CTNND2: variants seen among roughly 807,000 people sequenced by gnomAD.
CTNND2 encodes the protein catenin delta-2.
Under a neutral mutation model 144.4 loss-of-function variants are expected in CTNND2, and 22 were observed. That is an observed-to-expected ratio of 0.15 (90% CI 0.11 to 0.22). The LOEUF is 0.22. Ranked by LOEUF, CTNND2 falls within the 10% of genes least tolerant of loss-of-function variation. The pLI, the probability that CTNND2 is intolerant of heterozygous loss-of-function variation, is 1.00. For synonymous variants in CTNND2, 751 were observed against 695.6 expected (o/e 1.08, Z -1.25); for missense variants, 1,353 against 1,618.8 (o/e 0.84, Z 2.82).
At chr5:11,428,816 C>T (rs530357477) in intron 3 of CTNND2, among the ~76,000 whole-genome samples, 1 of 152,276 alleles carries the variant, frequency 6.6e-6, no homozygotes, top group South Asian at 2.1e-4. Flanking sequence ...GATCAATCTA[C>T]CGAGTGAATA....
chr5:11,861,845 T>G (rs1795518995), intron 1 of CTNND2, among the ~76,000 whole-genome samples: 2 of 152,218 alleles, frequency 1.3e-5, no homozygotes, highest in Non-Finnish European at 2.9e-5. Flanking sequence ...TGGCATTTCT[T>G]GAGTATACTC....
chr5:11,168,095 C>A (rs1759531003), intron 11 of CTNND2, among the ~76,000 whole-genome samples: 1 of 152,056 alleles, frequency 6.6e-6, no homozygotes, highest in Admixed American at 6.6e-5. Flanking sequence ...GTTAATATTA[C>A]AGACAAAAGA....
In CTNND2 at chr5:11,052,861, A is replaced by G. The variant is rs1015452761; in HGVS notation, c.2788+29835T>C. On this transcript the variant is annotated intron_variant, in intron 16 of 21. Transcript: ENST00000304623. ...TAAGTAACACTAGAAAAATTACCGAATAACACTTCGGGTTTGTATATTTTC... is the reference window on the plus strand; with the variant it reads ...TAAGTAACACTAGAAAAATTACCGAGTAACACTTCGGGTTTGTATATTTTC... 2.6e-5 allele frequency among the ~76,000 whole-genome samples: 4 copies of G among 152,194 alleles called. No individual in the cohort carries two copies. In the East Asian group the frequency reaches 7.8e-4, roughly 30 times the overall value.
At chr5:11,474,214 A>C (rs1767502873) in intron 3 of CTNND2, among the ~76,000 whole-genome samples, 1 of 152,226 alleles carries the variant, frequency 6.6e-6, no homozygotes, top group South Asian at 2.1e-4. Flanking sequence ...ACTTCAATTA[A>C]TTATGTAGAT....
chr5:11,808,913 G>A (rs963363949), intron 1 of CTNND2, among the ~76,000 whole-genome samples: 1 of 152,148 alleles, frequency 6.6e-6, no homozygotes, highest in East Asian at 1.9e-4. Context: ...ACGATACTAA[G>A]AAAATTAACC....
chr5:11,409,099 C>G (rs1467669363), intron 5 of CTNND2, among the ~76,000 whole-genome samples: 1 of 151,974 alleles, frequency 6.6e-6, no homozygotes, highest in Non-Finnish European at 1.5e-5. Context: ...TTCCCCCATA[C>G]TTCTGTTTTT....
At chr5:11,415,730 A>ACT (rs1761887173) in intron 3 of CTNND2, among the ~76,000 whole-genome samples, 1 of 152,172 alleles carries the variant, frequency 6.6e-6, no homozygotes, top group Non-Finnish European at 1.5e-5. Context: ...AGTACTCAGT[A>ACT]AAGTCCAGCA....
intron 3 of CTNND2, among the ~76,000 whole-genome samples, chr5:11,504,796 G>C (rs892568726): frequency 2.0e-5 from 3 of 152,170 alleles, no homozygotes; most frequent in African/African-American, 7.2e-5. Context: ...ACACCTCTCT[G>C]TTATTCCTTC....
intron 3 of CTNND2, among the ~76,000 whole-genome samples, chr5:11,431,008 AAAGAAACAATGAAT>A (rs1763242793): frequency 6.6e-6 from 1 of 152,248 alleles, no homozygotes; most frequent in Non-Finnish European, 1.5e-5. Context: ...TAAAGATTTG[AAAGAAACAATGAAT>A]CTATACTGCC....
intron 9 of CTNND2, among the ~76,000 whole-genome samples, chr5:11,323,241 G>GT (rs1554032299): frequency 7.1e-6 from 1 of 140,168 alleles, no homozygotes; most frequent in African/African-American, 2.6e-5. Context: ...TGGGGGGGGG[G>GT]GTCTCACTAT....
intron 2 of CTNND2, among the ~76,000 whole-genome samples, chr5:11,620,770 T>C (rs1478597762): frequency 1.3e-5 from 2 of 152,188 alleles, no homozygotes; most frequent in African/African-American, 4.8e-5. Context: ...TCCTGGGCTC[T>C]TTATATCTGG....
chr5:11,775,811 G>C (rs1790220800), intron 1 of CTNND2, among the ~76,000 whole-genome samples: 1 of 152,194 alleles, frequency 6.6e-6, no homozygotes, highest in Non-Finnish European at 1.5e-5. Context: ...TTTGTAAATA[G>C]AGTCTTTGCA....
chr5:11,562,685 C>T (rs890317547), intron 3 of CTNND2, among the ~76,000 whole-genome samples: 1 of 152,182 alleles, frequency 6.6e-6, no homozygotes. Context: ...GCTAGACATA[C>T]AAGACACAGT....
intron 20 of CTNND2, among the ~76,000 whole-genome samples, chr5:10,987,765 C>T (rs1380845545): frequency 4.8e-5 from 7 of 146,550 alleles, no homozygotes; most frequent in Non-Finnish European, 1.0e-4. Flanking sequence ...ATGCACAGGG[C>T]CTAACTACAC....
intron 2 of CTNND2, among the ~76,000 whole-genome samples, chr5:11,697,273 C>T (rs1275510657): frequency 1.3e-5 from 2 of 152,102 alleles, no homozygotes; most frequent in African/African-American, 4.8e-5. Flanking sequence ...ATTCCATTGC[C>T]CCCCAAAAAT....
chr5:11,124,885 T>C (rs936816720), intron 12 of CTNND2, among the ~76,000 whole-genome samples: 3 of 152,214 alleles, frequency 2.0e-5, no homozygotes, highest in Non-Finnish European at 4.4e-5. Flanking sequence ...GATCCTAAAC[T>C]GTCTAAAAAC....
intron 11 of CTNND2, among the ~76,000 whole-genome samples, chr5:11,163,065 A>G (rs1444080941): frequency 6.6e-6 from 1 of 152,196 alleles, no homozygotes; most frequent in Non-Finnish European, 1.5e-5. Context: ...TAGTGGTTTA[A>G]AATATGTCCA....
intron 3 of CTNND2, among the ~76,000 whole-genome samples, chr5:11,456,476 C>T (rs1765748074): frequency 6.6e-6 from 1 of 151,964 alleles, no homozygotes; most frequent in South Asian, 2.1e-4. Flanking sequence ...GTGCTGTGAC[C>T]CAGCAGAGAA....
At chr5:11,412,109 G>C in intron 3 of CTNND2, 40 bp from the exon 4 acceptor site, 1 of 1,541,628 alleles carries the variant, frequency 6.5e-7, no homozygotes. Flanking sequence ...GCATTGATTA[G>C]AAAAGAAAAA....
Sources: gnomAD v4.1 joint callset for allele counts (sites outside exome capture counted in the v4.1 genomes callset) on GRCh38, gnomAD v4.1.1 for gene constraint, MANE v1.5 for transcripts, NCBI Gene and HGNC (gene_info 2026-07-23, HGNC 2026-07-21) for gene names.